Variants in MYH14 observed in about 807,000 individuals in gnomAD.
MYH14 encodes the protein myosin heavy chain 14.
In MYH14, 123 loss-of-function variants were observed where a neutral mutation model predicts 255.5. The ratio of observed to expected loss-of-function variants is 0.48; its 90% CI spans 0.42 to 0.56. The LOEUF is 0.56. Ranked by LOEUF, MYH14 falls within the 20% of genes least tolerant of loss-of-function variation. The pLI, the probability that MYH14 is intolerant of heterozygous loss-of-function variation, is 0.00. For synonymous variants in MYH14, 1,095 were observed against 1,161.2 expected, an observed-to-expected ratio of 0.94 and a Z score of 1.16; for missense variants, 2,423 against 2,802.3, an observed-to-expected ratio of 0.86 and a Z score of 3.06.
chr19:50,301,471 G>A (rs1015303318), intron 39 of MYH14, among the ~76,000 whole-genome samples, 190 bp from the exon 40 acceptor site: 8 of 152,256 alleles, frequency 5.3e-5, no homozygotes, highest in Admixed American at 5.2e-4. Context: ...TGGCAGTGCT[G>A]TGGGTGACAA....
intron 23 of MYH14, 50 bp downstream of exon 23, chr19:50,267,058 T>C: frequency 5.4e-6 from 8 of 1,485,714 alleles, no homozygotes; most frequent in Non-Finnish European, 7.2e-6. Context: ...GGTGGGGCTG[T>C]GTCGCATGGG....
chr19:50,221,279 C>T lies in MYH14; in HGVS notation c.563-1804C>T, dbSNP rs998019980. Reference sequence around the variant, plus strand: ...ATGGGAAAACAGAGGCACAAAGCAACTCAGAGACTGGCCCAAGGTCACGCA... The same window carrying T: ...ATGGGAAAACAGAGGCACAAAGCAATTCAGAGACTGGCCCAAGGTCACGCA... On this transcript the variant is annotated intron_variant, in intron 3 of 42. Coordinates refer to ENST00000642316, the MANE Select transcript of MYH14 (RefSeq NM_001145809.2). This position sits in a 1 kb window ranked among gnomAD's most constrained non-coding sequence, Gnocchi z 5.3. 6.6e-6 allele frequency among the ~76,000 whole-genome samples: 1 copy of T among 152,200 alleles called. No individual in the cohort carries two copies. The highest frequency in any genetic ancestry group is 3.4e-3 in the Middle Eastern group (1 of 294).
At chr19:50,271,269 C>A in intron 24 of MYH14, 140 bp from the exon 25 acceptor site, 1 of 824,426 alleles carries the variant, frequency 1.2e-6, no homozygotes, top group Non-Finnish European at 1.9e-6. Flanking sequence ...TTTGATCCTT[C>A]CCGGCCTCAC....
At chr19:50,270,245 G>A (rs866479274) in intron 24 of MYH14, among the ~76,000 whole-genome samples, 6 of 152,026 alleles carry the variant, frequency 3.9e-5, no homozygotes, top group African/African-American at 4.8e-5. Context: ...TAGGCTGGGC[G>A]CAATGGCTCA....
At chr19:50,279,860 C>T (rs931547997) in intron 30 of MYH14, among the ~76,000 whole-genome samples, 177 bp from the exon 31 acceptor site, 1 of 152,122 alleles carries the variant, frequency 6.6e-6, no homozygotes, top group Non-Finnish European at 1.5e-5. Context: ...CACCTAGGAG[C>T]GGGATTGTTG....
chr19:50,271,632 C>A, intron 25 of MYH14, 86 bp downstream of exon 25: 3 of 1,533,332 alleles, frequency 2.0e-6, no homozygotes, highest in Non-Finnish European at 8.8e-7. Flanking sequence ...ATGGGGGTTA[C>A]CACACTGCGG....
intron 39 of MYH14, among the ~76,000 whole-genome samples, chr19:50,294,831 A>G (rs2036207632): frequency 1.3e-5 from 2 of 152,032 alleles, no homozygotes; most frequent in African/African-American, 4.8e-5. Flanking sequence ...AAATGTTTTA[A>G]CCTACTTTAA....
At chr19:50,262,809 G>A (rs1529493) in intron 21 of MYH14, among the ~76,000 whole-genome samples, 41,767 of 151,884 alleles carry the variant, frequency 0.27, 6,069 homozygotes, top group East Asian at 0.53. Context: ...AGAGAGAGTC[G>A]GGAGCAGGGG....
At chr19:50,256,465 A>G (rs2034595468) in intron 17 of MYH14, among the ~76,000 whole-genome samples, 1 of 152,234 alleles carries the variant, frequency 6.6e-6, no homozygotes, top group Non-Finnish European at 1.5e-5. Flanking sequence ...TCTGCCTCCC[A>G]GGTTCAAGTA....
chr19:50,290,818 T>A (rs771493496), intron 35 of MYH14, 69 bp from the exon 36 acceptor site: 16 of 1,478,172 alleles, frequency 1.1e-5, no homozygotes, highest in Non-Finnish European at 1.5e-5. Context: ...CAGACATCCA[T>A]GTCCCTAGCA....
intron 40 of MYH14, among the ~76,000 whole-genome samples, chr19:50,306,374 G>A (rs1242261738): frequency 6.6e-6 from 1 of 152,110 alleles, no homozygotes; most frequent in Non-Finnish European, 1.5e-5. Flanking sequence ...GCACATCTGG[G>A]GCTGTTGTAT....
intron 35 of MYH14, 100 bp downstream of exon 35, chr19:50,289,748 C>A: frequency 9.1e-7 from 1 of 1,094,604 alleles, no homozygotes; most frequent in Middle Eastern, 2.9e-4. Context: ...CCCGACCCAC[C>A]CACCACTCTG....
intron 1 of MYH14, among the ~76,000 whole-genome samples, chr19:50,208,012 C>T (rs2031911910): frequency 6.6e-6 from 1 of 152,196 alleles, no homozygotes; most frequent in South Asian, 2.1e-4. Context: ...CATTTAAATG[C>T]CACACCAGAG....
intron 13 of MYH14, 188 bp downstream of exon 13, chr19:50,249,327 TC>T: frequency 1.4e-6 from 1 of 706,566 alleles, no homozygotes; most frequent in South Asian, 2.0e-5. Flanking sequence ...TGGGTCTCTG[TC>T]CCCTTCTCTC....
chr19:50,236,861 T>C (rs1444963781), intron 10 of MYH14, among the ~76,000 whole-genome samples: 2 of 152,226 alleles, frequency 1.3e-5, no homozygotes, highest in African/African-American at 2.4e-5. Context: ...GCATTTTGTG[T>C]ATTCATAGAG....
intron 39 of MYH14, among the ~76,000 whole-genome samples, chr19:50,299,591 A>T (rs2123473167): frequency 6.6e-6 from 1 of 151,154 alleles, no homozygotes; most frequent in Non-Finnish European, 1.5e-5. Context: ...AAAAAAAAAA[A>T]AAAATTTTAA....
intron 40 of MYH14, among the ~76,000 whole-genome samples, chr19:50,305,492 G>T (rs7251148): frequency 0.55 from 83,200 of 151,766 alleles, 23,203 homozygotes; most frequent in African/African-American, 0.62. Context: ...CCCCAGAGGT[G>T]CATGAGACAA....
chr19:50,277,938 G>T, intron 29 of MYH14, 145 bp from the exon 30 acceptor site: 1 of 527,624 alleles, frequency 1.9e-6, no homozygotes, highest in Non-Finnish European at 3.0e-6. Context: ...AAAAAATTGG[G>T]AGTGAGGGGT....
chr19:50,278,280 G>A lies in MYH14; in HGVS notation c.4023G>A (p.Gln1341=), dbSNP rs1478115800. 3 of 1,551,434 alleles carry A rather than the reference G, an allele frequency of 1.9e-6. No homozygotes were observed. The highest frequency in any genetic ancestry group is 1.7e-6 in the Non-Finnish European group (2 of 1,146,502). The change falls in exon 30 of 43, where the codon CAG becomes CAA. Residue 1341 remains glutamine, a synonymous_variant. Coordinates refer to ENST00000642316, the MANE Select transcript of MYH14 (RefSeq NM_001145809.2). The part of the protein sequence containing the change: ...RARAEAAEKL[Q]RAQAELENVS... Reference sequence around the variant, plus strand: ...GAGCGGAGGCTGCTGAGAAGCTGCAGCGAGCCCAGGTAAGTGGGGTGGGCA... The same window carrying A: ...GAGCGGAGGCTGCTGAGAAGCTGCAACGAGCCCAGGTAAGTGGGGTGGGCA...
Sources: allele counts gnomAD v4.1 joint callset (sites outside exome capture counted in the v4.1 genomes callset), GRCh38; gene constraint gnomAD v4.1.1; non-coding constraint Gnocchi (gnomAD v3.1); transcripts MANE v1.5; gene names NCBI Gene and HGNC (gene_info 2026-07-23, HGNC 2026-07-21).